The following ULK4 variants were observed in gnomAD, a reference collection of about 807,000 sequenced individuals.
The protein encoded by ULK4 is unc-51 like kinase 4, also known as inactive serine/threonine-protein kinase ULK4.
A neutral mutation model predicts 160.6 loss-of-function variants in ULK4; 133 were observed. The ratio of observed to expected loss-of-function variants is 0.83; its 90% CI spans 0.72 to 0.96. The LOEUF (loss-of-function observed/expected upper bound fraction) is 0.96. Ranked by LOEUF, ULK4 falls within the 40% of genes least tolerant of loss-of-function variation. ULK4 has a pLI of 0.00. For missense variants in ULK4, 1,580 were observed against 1,499.5 expected (o/e 1.05, Z -0.89); for synonymous variants, 534 against 539.8 (o/e 0.99, Z 0.15).
intron 35 of ULK4, among the ~76,000 whole-genome samples, chr3:41,344,472 C>T (rs1575451278): frequency 6.6e-6 from 1 of 151,924 alleles, no homozygotes; most frequent in Admixed American, 6.6e-5. Context: ...CAAAAATTGC[C>T]CGGGTGAGGT....
At chr3:41,298,478 C>T (rs1416275866) in intron 35 of ULK4, among the ~76,000 whole-genome samples, 4 of 152,274 alleles carry the variant, frequency 2.6e-5, no homozygotes, top group Middle Eastern at 3.4e-3. Flanking sequence ...AAAATTATTG[C>T]TATTTGGAAA....
At chr3:41,643,957 G>A (rs1678031585) in intron 30 of ULK4, among the ~76,000 whole-genome samples, 1 of 152,000 alleles carries the variant, frequency 6.6e-6, no homozygotes, top group South Asian at 2.1e-4. Context: ...TGAAGCAATT[G>A]TGAATGGGAG....
intron 32 of ULK4, among the ~76,000 whole-genome samples, chr3:41,479,651 T>C (rs899538157): frequency 8.5e-5 from 13 of 152,140 alleles, no homozygotes; most frequent in African/African-American, 3.1e-4. Context: ...GTGGGAAGGC[T>C]AGAAGCTAGG....
Position 41,778,137 on chromosome 3 carries a change from T to G in ULK4, c.2193+11524A>C, listed in dbSNP as rs1285630051. Among the ~76,000 whole-genome samples, 6 of 123,240 alleles carry G rather than the reference T, an allele frequency of 4.9e-5. 1 individual carries two copies. Among genetic ancestry groups the G allele is most frequent in the African/African-American group, 1.2e-4 (3 of 24,310 alleles). 80.9% of individuals were successfully genotyped at this position (123,240 alleles called of 152,430 possible). On this transcript the variant is annotated intron_variant, in intron 21 of 36. Coordinates refer to ENST00000301831, the MANE Select transcript of ULK4 (RefSeq NM_017886.4). ...GCTGATAAGCAACTTCAGCAAAGTC[T>G]CAGGATACAAAATCAATGTACAAAA... is the stretch of plus-strand genomic sequence containing the variant.
chr3:41,641,645 C>T (rs2034199593), intron 30 of ULK4, among the ~76,000 whole-genome samples: 1 of 152,120 alleles, frequency 6.6e-6, no homozygotes, highest in Non-Finnish European at 1.5e-5. Context: ...AGGCTAAAAC[C>T]CACTTCTAGG....
rs140358534 is a variant in ULK4 at position 41,441,157 on chromosome 3, C to A, written c.3492+14340G>T. 5.9e-5 allele frequency among the ~76,000 whole-genome samples: 9 copies of A among 152,134 alleles called. No individual in the cohort carries two copies. The East Asian group carries it at 1.5e-3, about 26-fold the overall frequency. On this transcript the variant is annotated intron_variant, in intron 34 of 36. Transcript: ENST00000301831. Reference sequence around the variant, plus strand: ...TTATTTTTGATTTGATTTCTGTAATCTTTATTAGTCCCTTTCTTCTACTTA... The same window carrying A: ...TTATTTTTGATTTGATTTCTGTAATATTTATTAGTCCCTTTCTTCTACTTA...
chr3:41,839,165 T>C (rs1391305759), intron 17 of ULK4, among the ~76,000 whole-genome samples: 3 of 151,918 alleles, frequency 2.0e-5, no homozygotes, highest in Non-Finnish European at 2.9e-5. Context: ...CTGACCAACA[T>C]GGTGAAACCC....
intron 2 of ULK4, among the ~76,000 whole-genome samples, chr3:41,947,970 G>A (rs1184123070): frequency 6.6e-6 from 1 of 152,144 alleles, no homozygotes; most frequent in African/African-American, 2.4e-5. Context: ...ACAGAAAACA[G>A]TGGCCTTTCT....
At chr3:41,920,819 C>T (rs1699156164) in intron 5 of ULK4, among the ~76,000 whole-genome samples, 1 of 152,164 alleles carries the variant, frequency 6.6e-6, no homozygotes, top group Non-Finnish European at 1.5e-5. Context: ...AGCATTTTTG[C>T]TATGCTATCA....
At chr3:41,306,353 G>A (rs1173380438) in intron 35 of ULK4, among the ~76,000 whole-genome samples, 4 of 131,688 alleles carry the variant, frequency 3.0e-5, no homozygotes, top group East Asian at 2.7e-4. Flanking sequence ...AGGTGGGGGG[G>A]TCAGCCCCCC....
chr3:41,561,418 G>A (rs1025769308), intron 32 of ULK4, among the ~76,000 whole-genome samples: 3 of 152,152 alleles, frequency 2.0e-5, no homozygotes, highest in African/African-American at 4.8e-5. Context: ...TCTATTTATT[G>A]GAATAGTTTC....
At chr3:41,442,471 C>T (rs1217951992) in intron 34 of ULK4, among the ~76,000 whole-genome samples, 1 of 152,120 alleles carries the variant, frequency 6.6e-6, no homozygotes, top group African/African-American at 2.4e-5. Flanking sequence ...GTAGTCCTCA[C>T]TTTGCATGGT....
At chr3:41,374,006 C>A (rs914777124) in intron 35 of ULK4, among the ~76,000 whole-genome samples, 3 of 152,174 alleles carry the variant, frequency 2.0e-5, no homozygotes, top group African/African-American at 4.8e-5. Flanking sequence ...ATACTATAAA[C>A]ACCTCTACGC....
intron 27 of ULK4, among the ~76,000 whole-genome samples, chr3:41,699,462 T>C (rs1391245616): frequency 1.3e-5 from 2 of 152,232 alleles, no homozygotes; most frequent in Non-Finnish European, 2.9e-5. Flanking sequence ...GTCATCTTTA[T>C]TTCCCCTTTG....
At chr3:41,649,632 C>T (rs748606894) in intron 30 of ULK4, among the ~76,000 whole-genome samples, 69 of 152,330 alleles carry the variant, frequency 4.5e-4, no homozygotes, top group Admixed American at 1.5e-3. Flanking sequence ...CCTCAGCCCC[C>T]TACAGACTTT....
At chr3:41,522,755 T>G (rs1559672020) in intron 32 of ULK4, among the ~76,000 whole-genome samples, 2 of 152,202 alleles carry the variant, frequency 1.3e-5, no homozygotes, top group African/African-American at 2.4e-5. Flanking sequence ...ATCCAAATTA[T>G]GGTCTCAGTC....
chr3:41,773,755 C>T (rs1030933534), intron 21 of ULK4, among the ~76,000 whole-genome samples: 4 of 152,158 alleles, frequency 2.6e-5, no homozygotes, highest in African/African-American at 7.2e-5. Context: ...AAAGAGCCGG[C>T]ATTGCCAAGT....
At chr3:41,797,041 AC>A (rs1375131980) in intron 20 of ULK4, among the ~76,000 whole-genome samples, 1 of 152,198 alleles carries the variant, frequency 6.6e-6, no homozygotes, top group Admixed American at 6.5e-5. Flanking sequence ...TCACATTACA[AC>A]CCACTGAATA....
chr3:41,530,459 G>C (rs1463113434), intron 32 of ULK4, among the ~76,000 whole-genome samples: 3 of 152,132 alleles, frequency 2.0e-5, no homozygotes, highest in Non-Finnish European at 2.9e-5. Flanking sequence ...GACATTGAGT[G>C]CATTTAAGGA....
Sources: allele counts gnomAD v4.1 joint callset (sites outside exome capture counted in the v4.1 genomes callset), GRCh38; gene constraint gnomAD v4.1.1; transcripts MANE v1.5; gene names NCBI Gene and HGNC (gene_info 2026-07-23, HGNC 2026-07-21).